The following EYS variants were observed in gnomAD, a reference collection of about 807,000 sequenced individuals.
The protein encoded by EYS is EGF-like photoreceptor maintenance factor.
EYS carries 250 observed loss-of-function variants against 282.1 expected under a neutral mutation model. That is an observed-to-expected ratio of 0.89 (90% confidence interval 0.80 to 0.98). EYS has a LOEUF of 0.98. Ranked by LOEUF, EYS falls within the 50% of genes least tolerant of loss-of-function variation. EYS has a pLI of 0.00. For synonymous variants in EYS, 1,355 were observed against 1,282.9 expected (o/e 1.06, Z -1.20); for missense variants, 4,016 against 3,709.0 (o/e 1.08, Z -2.15).
At chr6:65,431,067 A>T (rs1767867746) in intron 5 of EYS, among the ~76,000 whole-genome samples, 1 of 152,182 alleles carries the variant, frequency 6.6e-6, no homozygotes, top group Admixed American at 6.5e-5. Context: ...CAGGCAGAGC[A>T]CCAAGTGGGC....
chr6:64,702,597 T>G (rs989742738), intron 22 of EYS, among the ~76,000 whole-genome samples: 1 of 152,104 alleles, frequency 6.6e-6, no homozygotes, highest in African/African-American at 2.4e-5. Flanking sequence ...TGTTAATAAG[T>G]TCTCCTGTGT....
chr6:64,545,171 C>T (rs1019925778), intron 26 of EYS, among the ~76,000 whole-genome samples: 1 of 152,138 alleles, frequency 6.6e-6, no homozygotes, highest in African/African-American at 2.4e-5. Context: ...GCTTATCCAC[C>T]ATGATCAAGT....
At chr6:64,450,148 A>G (rs1330336243) in intron 26 of EYS, among the ~76,000 whole-genome samples, 2 of 152,110 alleles carry the variant, frequency 1.3e-5, no homozygotes. Flanking sequence ...CTCAAAATAA[A>G]GGGATGGAAG....
chr6:65,544,046 AAGAC>A (rs200129286), intron 2 of EYS, among the ~76,000 whole-genome samples: 2,747 of 113,022 alleles, frequency 0.024, 99 homozygotes, highest in African/African-American at 0.079. Flanking sequence ...GAGAGAGACA[AAGAC>A]AGAGAGAGAG....
intron 30 of EYS, among the ~76,000 whole-genome samples, chr6:64,233,636 T>A (rs935276907): frequency 2.6e-5 from 4 of 152,212 alleles, no homozygotes; most frequent in African/African-American, 9.6e-5. Flanking sequence ...TGAAAATCTG[T>A]CTGATCGTTT....
At chr6:64,234,909 C>T (rs576406118) in intron 30 of EYS, among the ~76,000 whole-genome samples, 3 of 151,084 alleles carry the variant, frequency 2.0e-5, no homozygotes, top group Admixed American at 2.0e-4. Flanking sequence ...GACAGAGTCT[C>T]GCTCTGTCAC....
chr6:64,695,373 C>T (rs1159565578), intron 22 of EYS, among the ~76,000 whole-genome samples: 1 of 152,066 alleles, frequency 6.6e-6, no homozygotes, highest in Non-Finnish European at 1.5e-5. Context: ...AGGAGACACC[C>T]TTTGCGTGAT....
At chr6:64,421,857 G>C (rs748044943) in intron 28 of EYS, among the ~76,000 whole-genome samples, 1 of 63,816 alleles carries the variant, frequency 1.6e-5, no homozygotes, top group African/African-American at 7.6e-5. Context: ...TTTTTGTTTG[G>C]GGGGTGTGTG....
chr6:64,413,926 G>A (rs1308807738), intron 28 of EYS, among the ~76,000 whole-genome samples: 1 of 152,102 alleles, frequency 6.6e-6, no homozygotes, highest in African/African-American at 2.4e-5. Context: ...AGAAAAGTCT[G>A]AGAGAGACCA....
chr6:64,572,231 C>A (rs995115864), intron 26 of EYS, among the ~76,000 whole-genome samples: 20 of 152,196 alleles, frequency 1.3e-4, no homozygotes, highest in Admixed American at 3.9e-4. Flanking sequence ...AACACCACTT[C>A]ATGGTAAAAA....
At chr6:64,244,460 G>A (rs538974662) in intron 30 of EYS, among the ~76,000 whole-genome samples, 5 of 152,246 alleles carry the variant, frequency 3.3e-5, no homozygotes, top group South Asian at 4.1e-4. Flanking sequence ...TGAACAGAAC[G>A]TTTTCAGTGT....
chr6:65,109,868 T>C lies in EYS; in HGVS notation c.2024-52141A>G, dbSNP rs114305855. On this transcript the variant is annotated intron_variant, in intron 12 of 42. Coordinates refer to ENST00000503581, the MANE Select transcript of EYS (RefSeq NM_001142800.2). ...TCAGATAGTTGCTTATTGTATTATATACGTGTTTTATAATTTTCTTCAGGG... is the reference window on the plus strand; with the variant it reads ...TCAGATAGTTGCTTATTGTATTATACACGTGTTTTATAATTTTCTTCAGGG... Among the ~76,000 whole-genome samples the C allele has an allele frequency of 7.1e-3, 1,084 of 152,254 alleles. 6 individuals carry two copies. The highest frequency in any genetic ancestry group is 0.024 in the Middle Eastern group (7 of 294).
chr6:65,215,526 C>T (rs1255465294), intron 12 of EYS, among the ~76,000 whole-genome samples: 1 of 152,144 alleles, frequency 6.6e-6, no homozygotes, highest in African/African-American at 2.4e-5. Flanking sequence ...TGTGAAGGTG[C>T]TGTGAACATT....
chr6:64,240,314 G>A (rs1462375982), intron 30 of EYS, among the ~76,000 whole-genome samples: 4 of 152,096 alleles, frequency 2.6e-5, no homozygotes. Flanking sequence ...AGCTTGATAG[G>A]GATAGCATGA....
intron 12 of EYS, among the ~76,000 whole-genome samples, chr6:65,070,725 C>T (rs1773879925): frequency 6.6e-6 from 1 of 151,640 alleles, no homozygotes; most frequent in South Asian, 2.1e-4. Flanking sequence ...TTTGTGTCTT[C>T]AATACTTCCT....
At chr6:63,847,790 C>T (rs1025457215) in intron 36 of EYS, among the ~76,000 whole-genome samples, 2 of 152,132 alleles carry the variant, frequency 1.3e-5, no homozygotes, top group Non-Finnish European at 2.9e-5. Flanking sequence ...TGAGAAATAA[C>T]TTAGTGTCTA....
chr6:65,030,712 T>A (rs538817465), intron 13 of EYS, among the ~76,000 whole-genome samples: 2 of 152,290 alleles, frequency 1.3e-5, no homozygotes, highest in African/African-American at 4.8e-5. Context: ...GCCATGGACC[T>A]GTTAGTAGCC....
intron 22 of EYS, among the ~76,000 whole-genome samples, chr6:64,810,761 A>C (rs1345996942): frequency 1.3e-5 from 2 of 152,116 alleles, no homozygotes; most frequent in Non-Finnish European, 1.5e-5. Context: ...GTGCAAAGTT[A>C]TAAAGTTGAG....
chr6:64,847,556 C>T (rs1235634196), intron 19 of EYS, among the ~76,000 whole-genome samples: 2 of 151,864 alleles, frequency 1.3e-5, no homozygotes, highest in African/African-American at 4.8e-5. Flanking sequence ...TCCAATTTTC[C>T]TAAAATAATG....
Sources: allele counts gnomAD v4.1 joint callset (sites outside exome capture counted in the v4.1 genomes callset), GRCh38; gene constraint gnomAD v4.1.1; transcripts MANE v1.5; gene names NCBI Gene and HGNC (gene_info 2026-07-23, HGNC 2026-07-21).